EPHA3: variants seen among roughly 807,000 people sequenced by gnomAD.
EPHA3 encodes EPH receptor A3, also known as ephrin type-A receptor 3.
Under a neutral mutation model 107.1 loss-of-function variants are expected in EPHA3, and 42 were observed. The ratio of observed to expected loss-of-function variants is 0.39; its 90% CI spans 0.31 to 0.51. The LOEUF is 0.51. EPHA3 is among the 20% of genes least tolerant of loss of function. The pLI, the probability that EPHA3 is intolerant of heterozygous loss-of-function variation, is 0.78. For missense variants in EPHA3, 1,183 were observed against 1,211.2 expected, an observed-to-expected ratio of 0.98 and a Z score of 0.35; for synonymous variants, 461 against 424.8, an observed-to-expected ratio of 1.09 and a Z score of -1.05.
At chr3:89,388,201 T>C (rs1364531946) in intron 5 of EPHA3, among the ~76,000 whole-genome samples, 1 of 152,166 alleles carries the variant, frequency 6.6e-6, no homozygotes, top group Non-Finnish European at 1.5e-5. Flanking sequence ...ATAGAACTTA[T>C]TTTTCAGAGG....
chr3:89,450,849 C>A (rs776258644), intron 15 of EPHA3, among the ~76,000 whole-genome samples: 1 of 151,984 alleles, frequency 6.6e-6, no homozygotes, highest in South Asian at 2.1e-4. Flanking sequence ...GAGGTTGCAA[C>A]GAGCTGATAT....
At chr3:89,373,328 A>T (rs1362052267) in intron 5 of EPHA3, among the ~76,000 whole-genome samples, 3 of 151,866 alleles carry the variant, frequency 2.0e-5, no homozygotes, top group Non-Finnish European at 2.9e-5. Flanking sequence ...CTGAATCCTT[A>T]GGCAAGATAA....
In EPHA3 at chr3:89,219,688, G is replaced by GTTTTTTTTTTTTTTTTTTT. The variant is rs1553666928; in HGVS notation, c.814+9182_814+9183insTTTTTTTTTTTTTTTTTTT. On this transcript the variant is annotated intron_variant, in intron 3 of 16. Coordinates refer to ENST00000336596, the MANE Select transcript of EPHA3 (RefSeq NM_005233.6). ...TTACCTCCAAGAGGCATTTGGCAAT[G>GTTTTTTTTTTTTTTTTTTT]TTTTTTTTTTTTTTGTTTTTTGTTT... 5.2e-4 allele frequency among the ~76,000 whole-genome samples: 18 copies of GTTTTTTTTTTTTTTTTTTT among 34,442 alleles called. 4 individuals are homozygous for GTTTTTTTTTTTTTTTTTTT. Among genetic ancestry groups the GTTTTTTTTTTTTTTTTTTT allele is most frequent in the African/African-American group, 8.5e-4 (7 of 8,246 alleles). 22.6% of individuals were successfully genotyped at this position (34,442 alleles called of 152,430 possible). A position where few individuals can be genotyped will look rare whatever the true frequency, so the allele number is the denominator to read the frequency against.
intron 3 of EPHA3, among the ~76,000 whole-genome samples, chr3:89,290,485 A>G (rs563114439): frequency 6.6e-6 from 1 of 152,298 alleles, no homozygotes; most frequent in African/African-American, 2.4e-5. Context: ...ACTTGAAAAC[A>G]ATACAATAGT....
At chr3:89,207,939 A>C (rs911211790) in intron 2 of EPHA3, among the ~76,000 whole-genome samples, 1 of 152,214 alleles carries the variant, frequency 6.6e-6, no homozygotes, top group Non-Finnish European at 1.5e-5. Flanking sequence ...AACTAACTTT[A>C]GCATGTATCA....
At chr3:89,208,884 C>T (rs1706193745) in intron 2 of EPHA3, among the ~76,000 whole-genome samples, 1 of 151,996 alleles carries the variant, frequency 6.6e-6, no homozygotes, top group African/African-American at 2.4e-5. Flanking sequence ...AATGGCATGA[C>T]AAAAGATGTA....
At chr3:89,251,478 A>C (rs374056567) in intron 3 of EPHA3, among the ~76,000 whole-genome samples, 1 of 152,096 alleles carries the variant, frequency 6.6e-6, no homozygotes, top group African/African-American at 2.4e-5. Context: ...TTATGAAAGC[A>C]TAGTATGTGT....
intron 3 of EPHA3, among the ~76,000 whole-genome samples, chr3:89,300,778 C>T (rs1243126517): frequency 6.6e-6 from 1 of 151,962 alleles, no homozygotes; most frequent in Non-Finnish European, 1.5e-5. Flanking sequence ...AAAGGATATC[C>T]TGTGTGGTGA....
chr3:89,262,743 G>A (rs1252212312), intron 3 of EPHA3, among the ~76,000 whole-genome samples: 1 of 152,130 alleles, frequency 6.6e-6, no homozygotes, highest in Non-Finnish European at 1.5e-5. Context: ...CAGAAGCACT[G>A]GAACCGGCTG....
intron 3 of EPHA3, among the ~76,000 whole-genome samples, chr3:89,214,012 A>C (rs1704168101): frequency 6.6e-6 from 1 of 151,994 alleles, no homozygotes; most frequent in South Asian, 2.1e-4. Context: ...AATTAAACAG[A>C]TACATTATAG....
chr3:89,475,658 A>G (rs1374285647), intron 16 of EPHA3, among the ~76,000 whole-genome samples: 1 of 152,246 alleles, frequency 6.6e-6, no homozygotes, highest in African/African-American at 2.4e-5. Flanking sequence ...CTGTGGAACT[A>G]GAAAGAGAAT....
intron 5 of EPHA3, among the ~76,000 whole-genome samples, chr3:89,348,793 C>T (rs1707736699): frequency 1.4e-5 from 2 of 142,806 alleles, no homozygotes; most frequent in Non-Finnish European, 3.1e-5. Context: ...TTGAATGCAT[C>T]CCAGAGATTC....
At chr3:89,345,560 T>G (rs1437211169) in intron 5 of EPHA3, among the ~76,000 whole-genome samples, 4 of 150,942 alleles carry the variant, frequency 2.7e-5, no homozygotes, top group African/African-American at 9.7e-5. Context: ...CTGAACCACT[T>G]GCAGATATTA....
At chr3:89,416,210 A>C (rs1177832627) in intron 10 of EPHA3, among the ~76,000 whole-genome samples, 1 of 151,412 alleles carries the variant, frequency 6.6e-6, no homozygotes, top group Non-Finnish European at 1.5e-5. Flanking sequence ...TTTTAATCAG[A>C]ATACAGTCCC....
intron 2 of EPHA3, among the ~76,000 whole-genome samples, chr3:89,171,872 C>T (rs1402995237): frequency 6.6e-6 from 1 of 152,128 alleles, no homozygotes; most frequent in Non-Finnish European, 1.5e-5. Flanking sequence ...ATGTGCCTAT[C>T]GTTGATAACA....
At chr3:89,446,923 T>A (rs964366290) in intron 13 of EPHA3, among the ~76,000 whole-genome samples, 11 of 152,138 alleles carry the variant, frequency 7.2e-5, no homozygotes, top group Admixed American at 5.9e-4. Context: ...AATTGAGATT[T>A]TTAAGATACT....
intron 2 of EPHA3, among the ~76,000 whole-genome samples, chr3:89,182,521 G>A (rs764765839): frequency 6.6e-6 from 1 of 151,810 alleles, no homozygotes; most frequent in Non-Finnish European, 1.5e-5. Context: ...CACTTTAGTG[G>A]AGAATTTACA....
intron 2 of EPHA3, among the ~76,000 whole-genome samples, chr3:89,164,263 G>A (rs971482634): frequency 6.6e-6 from 1 of 152,140 alleles, no homozygotes; most frequent in East Asian, 1.9e-4. Context: ...TAGCTAATGA[G>A]CTTAAAAAAT....
rs1705176475 is a variant in EPHA3, at chr3:89,252,022, A to C, written c.814+41502A>C. ...CAACCTAAGAGAAATAAAATTATGA[A>C]TTATTACTACGAGTCTTAGTTTCTA... is the stretch of plus-strand genomic sequence containing the variant. On this transcript the variant is annotated intron_variant, in intron 3 of 16. Transcript: ENST00000336596. 2.0e-5 allele frequency among the ~76,000 whole-genome samples: 3 copies of C among 152,198 alleles called. 1 individual carries two copies. The South Asian group carries it at 6.2e-4, about 32-fold the overall frequency.
Sources: gnomAD v4.1 joint callset for allele counts (sites outside exome capture counted in the v4.1 genomes callset) on GRCh38, gnomAD v4.1.1 for gene constraint, MANE v1.5 for transcripts, NCBI Gene and HGNC (gene_info 2026-07-23, HGNC 2026-07-21) for gene names.